The following MARCHF1 variants were observed in gnomAD, a reference collection of about 807,000 sequenced individuals.
MARCHF1 encodes the protein membrane associated ring-CH-type finger 1, also known as E3 ubiquitin-protein ligase MARCHF1.
In MARCHF1, 40 loss-of-function variants were observed where a neutral mutation model predicts 54.2. That is an observed-to-expected ratio of 0.74 (90% CI 0.57 to 0.96). The LOEUF is 0.96. Ranked by LOEUF, MARCHF1 falls within the 40% of genes least tolerant of loss-of-function variation. MARCHF1 has a pLI of 0.00. For missense variants in MARCHF1, 586 were observed against 656.5 expected (o/e 0.89, Z 1.17); for synonymous variants, 236 against 236.3 (o/e 1.00, Z 0.01).
At chr4:163,970,035 C>T (rs1052609349) in intron 3 of MARCHF1, among the ~76,000 whole-genome samples, 2 of 152,170 alleles carry the variant, frequency 1.3e-5, no homozygotes, top group Admixed American at 6.5e-5. Context: ...GAGCTAAAGC[C>T]ATTAGATCTC....
intron 4 of MARCHF1, among the ~76,000 whole-genome samples, chr4:163,770,210 C>T (rs972532077): frequency 2.6e-5 from 4 of 152,084 alleles, no homozygotes; most frequent in African/African-American, 4.8e-5. Context: ...GTAGTCAAAG[C>T]TTATACAGAA....
intron 1 of MARCHF1, among the ~76,000 whole-genome samples, chr4:164,299,737 C>A (rs1490030409): frequency 6.6e-6 from 1 of 152,136 alleles, no homozygotes; most frequent in African/African-American, 2.4e-5. Context: ...TGGGTTCTGA[C>A]TGGGCTCTGA....
chr4:164,277,696 A>G (rs557483442), intron 1 of MARCHF1, among the ~76,000 whole-genome samples: 3 of 152,224 alleles, frequency 2.0e-5, no homozygotes, highest in Non-Finnish European at 4.4e-5. Context: ...TGTACTTCAT[A>G]CAGCATGCAA....
intron 4 of MARCHF1, among the ~76,000 whole-genome samples, chr4:163,721,080 T>C (rs955068662): frequency 3.3e-5 from 5 of 152,192 alleles, no homozygotes; most frequent in Admixed American, 2.0e-4. Context: ...ATAGGAGTGG[T>C]GAGAGAGGGC....
In MARCHF1 at chr4:164,080,670, G is replaced by GTA. The variant is rs200634952; in HGVS notation, c.-248+30916_-248+30917dup. ...CTATTGTGTGTGTGTGTGTGTGTGT[G>GTA]TATATATATATATATGTGTGTGTAT... is the stretch of plus-strand genomic sequence containing the variant. On this transcript the variant is annotated intron_variant, in intron 2 of 9. Transcript: ENST00000514618. 5.6e-3 allele frequency among the ~76,000 whole-genome samples: 841 copies of GTA among 149,612 alleles called. 6 individuals carry two copies. The highest frequency in any genetic ancestry group is 0.017 in the African/African-American group (702 of 40,212).
chr4:164,154,147 T>C (rs1349043614), intron 1 of MARCHF1, among the ~76,000 whole-genome samples: 2 of 152,196 alleles, frequency 1.3e-5, no homozygotes, highest in Non-Finnish European at 2.9e-5. Flanking sequence ...ATGAAGTAAA[T>C]ATTAGCAATA....
chr4:163,573,982 CTGACT>C (rs1424873337), intron 8 of MARCHF1, among the ~76,000 whole-genome samples: 1 of 151,674 alleles, frequency 6.6e-6, no homozygotes, highest in East Asian at 1.9e-4. Flanking sequence ...CTGTTGTTTC[CTGACT>C]TTTTAATGAT....
At chr4:163,668,230 G>A (rs1406388533) in intron 5 of MARCHF1, among the ~76,000 whole-genome samples, 2 of 152,100 alleles carry the variant, frequency 1.3e-5, no homozygotes, top group Non-Finnish European at 2.9e-5. Context: ...AAATTTCACT[G>A]CCAAGCTGGC....
At chr4:164,184,779 A>G (rs1221059539) in intron 1 of MARCHF1, among the ~76,000 whole-genome samples, 1 of 152,204 alleles carries the variant, frequency 6.6e-6, no homozygotes, top group Non-Finnish European at 1.5e-5. Flanking sequence ...AGTCTCAGCT[A>G]GCCATAATGC....
intron 3 of MARCHF1, among the ~76,000 whole-genome samples, chr4:163,962,156 A>T (rs1752356005): frequency 6.6e-6 from 1 of 151,976 alleles, no homozygotes; most frequent in South Asian, 2.1e-4. Flanking sequence ...ACCAACCCTA[A>T]AGCCAATAGC....
intron 8 of MARCHF1, among the ~76,000 whole-genome samples, chr4:163,557,408 A>G (rs1739328032): frequency 6.6e-6 from 1 of 152,196 alleles, no homozygotes; most frequent in Non-Finnish European, 1.5e-5. Context: ...AGAAAGCTTC[A>G]GGGGGACTAA....
At chr4:164,138,134 G>A (rs1756440878) in intron 1 of MARCHF1, among the ~76,000 whole-genome samples, 1 of 151,990 alleles carries the variant, frequency 6.6e-6, no homozygotes, top group Non-Finnish European at 1.5e-5. Context: ...GTTTATAACA[G>A]GACTTATTGG....
rs554162904 is a variant in MARCHF1, at chr4:164,188,041, G to A, written c.-322-76379C>T. ...GTTTTCTTATAATTTTCCATTAAGG[G>A]CCATTTCTAGCACTCCTTCAAATGC... On this transcript the variant is annotated intron_variant, in intron 1 of 9. Coordinates refer to ENST00000514618, the MANE Select transcript of MARCHF1 (RefSeq NM_001394959.1). Among the ~76,000 whole-genome samples the A allele has an allele frequency of 1.2e-3, 176 of 152,186 alleles. 2 individuals are homozygous for A. The highest frequency in any genetic ancestry group is 0.011 in the Admixed American group (175 of 15,292).
chr4:163,870,759 TC>T (rs1750152075), intron 3 of MARCHF1, among the ~76,000 whole-genome samples: 1 of 152,146 alleles, frequency 6.6e-6, no homozygotes, highest in Admixed American at 6.5e-5. Context: ...CCACATGTTC[TC>T]ACTCATATGT....
At chr4:164,303,794 C>T (rs1441254113) in intron 1 of MARCHF1, among the ~76,000 whole-genome samples, 2 of 152,068 alleles carry the variant, frequency 1.3e-5, no homozygotes, top group Non-Finnish European at 2.9e-5. Context: ...CACACGTACA[C>T]ACACCTTTCA....
chr4:164,120,413 A>C (rs1224405963), intron 1 of MARCHF1, among the ~76,000 whole-genome samples: 1 of 152,176 alleles, frequency 6.6e-6, no homozygotes, highest in Non-Finnish European at 1.5e-5. Flanking sequence ...CACTTTCTGC[A>C]CTGACCGGAT....
At chr4:164,069,342 C>T (rs1280532490) in intron 2 of MARCHF1, among the ~76,000 whole-genome samples, 2 of 152,144 alleles carry the variant, frequency 1.3e-5, no homozygotes, top group Non-Finnish European at 2.9e-5. Flanking sequence ...AGTGGCAACC[C>T]ACTTGGATCC....
intron 1 of MARCHF1, among the ~76,000 whole-genome samples, chr4:164,240,580 A>C (rs1203579585): frequency 6.6e-6 from 1 of 152,020 alleles, no homozygotes; most frequent in East Asian, 1.9e-4. Context: ...TTTGAAAATA[A>C]GTCCTCAGGC....
At chr4:164,254,588 TTAAG>T (rs775714327) in intron 1 of MARCHF1, among the ~76,000 whole-genome samples, 6 of 152,086 alleles carry the variant, frequency 3.9e-5, no homozygotes, top group Admixed American at 2.6e-4. Context: ...GGGGAGTTTA[TTAAG>T]TATTAAGTTG....
Sources: allele counts gnomAD v4.1 joint callset (sites outside exome capture counted in the v4.1 genomes callset), GRCh38; gene constraint gnomAD v4.1.1; transcripts MANE v1.5; gene names NCBI Gene and HGNC (gene_info 2026-07-23, HGNC 2026-07-21).